Variants in HCN1 observed in about 807,000 individuals in gnomAD.
The protein encoded by HCN1 is potassium/sodium hyperpolarization-activated cyclic nucleotide-gated channel 1.
In HCN1, 13 loss-of-function variants were observed where a neutral mutation model predicts 78.9. The ratio of observed to expected loss-of-function variants is 0.16; its 90% CI spans 0.11 to 0.26. The LOEUF (loss-of-function observed/expected upper bound fraction) is 0.26. Among genes scored for constraint, HCN1 ranks in the 10% least tolerant of loss-of-function variants. HCN1 has a pLI of 1.00. For synonymous variants in HCN1, 552 were observed against 455.5 expected (o/e 1.21, Z -2.70); for missense variants, 810 against 1,154.3 (o/e 0.70, Z 4.32).
chr5:45,496,054 A>G (rs1199406226), intron 2 of HCN1, among the ~76,000 whole-genome samples: 1 of 152,084 alleles, frequency 6.6e-6, no homozygotes. Flanking sequence ...ATATTGGTCT[A>G]AAATTCTCTT....
intron 4 of HCN1, among the ~76,000 whole-genome samples, chr5:45,375,891 A>T (rs1299642346): frequency 1.6e-5 from 2 of 122,750 alleles, no homozygotes; most frequent in African/African-American, 6.5e-5. Context: ...CTTATATATT[A>T]TATATGATAT....
At chr5:45,629,301 G>C (rs988918866) in intron 2 of HCN1, among the ~76,000 whole-genome samples, 1 of 152,060 alleles carries the variant, frequency 6.6e-6, no homozygotes, top group Non-Finnish European at 1.5e-5. Flanking sequence ...AAATCAGTAA[G>C]GATATGGAAG....
In HCN1 at chr5:45,516,304, C is replaced by G. The variant is rs974675964; in HGVS notation, c.850-54297G>C. 2.0e-5 allele frequency among the ~76,000 whole-genome samples: 3 copies of G among 151,840 alleles called. No individual in the cohort carries two copies. In the East Asian group the frequency reaches 5.8e-4, roughly 29 times the overall value. ...CTTAAACTACTAGAGTACTTGTATTCTGGAGTAAAACTTTTGAAATTTGAT... is the reference window on the plus strand; with the variant it reads ...CTTAAACTACTAGAGTACTTGTATTGTGGAGTAAAACTTTTGAAATTTGAT... On this transcript the variant is annotated intron_variant, in intron 2 of 7. Coordinates refer to ENST00000303230, the MANE Select transcript of HCN1 (RefSeq NM_021072.4).
At chr5:45,327,328 T>C (rs2111945977) in intron 5 of HCN1, among the ~76,000 whole-genome samples, 1 of 151,892 alleles carries the variant, frequency 6.6e-6, no homozygotes, top group Admixed American at 6.6e-5. Flanking sequence ...GTAGAGTACA[T>C]CTGAAGACTT....
intron 4 of HCN1, among the ~76,000 whole-genome samples, chr5:45,372,072 T>TTA (rs375854629): frequency 0.11 from 5,059 of 46,990 alleles, 514 homozygotes; most frequent in African/African-American, 0.29. Flanking sequence ...ATATTATATA[T>TTA]TATATATAAT....
At chr5:45,320,570 G>C (rs1426530084) in intron 5 of HCN1, among the ~76,000 whole-genome samples, 5 of 151,774 alleles carry the variant, frequency 3.3e-5, no homozygotes, top group Admixed American at 6.6e-5. Flanking sequence ...GTAACCACAT[G>C]CTTGCAAGAG....
At chr5:45,307,576 T>A (rs889921374) in intron 5 of HCN1, among the ~76,000 whole-genome samples, 1 of 152,036 alleles carries the variant, frequency 6.6e-6, no homozygotes, top group Non-Finnish European at 1.5e-5. Flanking sequence ...ATTTTAATCA[T>A]GACAAAACCA....
At chr5:45,377,573 T>C (rs1221177061) in intron 4 of HCN1, among the ~76,000 whole-genome samples, 1 of 151,914 alleles carries the variant, frequency 6.6e-6, no homozygotes, top group East Asian at 1.9e-4. Context: ...AGTTAATGAC[T>C]TTGGTAAGGC....
intron 2 of HCN1, among the ~76,000 whole-genome samples, chr5:45,641,081 A>C (rs1193965356): frequency 1.3e-5 from 2 of 152,124 alleles, no homozygotes; most frequent in Non-Finnish European, 2.9e-5. Flanking sequence ...AGCAATAGGG[A>C]GCCTCTCTAA....
chr5:45,340,366 G>T (rs1746551304), intron 5 of HCN1, among the ~76,000 whole-genome samples: 1 of 152,142 alleles, frequency 6.6e-6, no homozygotes, highest in Non-Finnish European at 1.5e-5. Context: ...CAGTTGTGCT[G>T]TTGTCTTTCT....
chr5:45,694,435 TTTCACAGCTAA>T (rs1739967335), intron 1 of HCN1, among the ~76,000 whole-genome samples: 1 of 152,200 alleles, frequency 6.6e-6, no homozygotes. Flanking sequence ...ACTGTGGATT[TTTCACAGCTAA>T]TGTCATTCAG....
intron 2 of HCN1, among the ~76,000 whole-genome samples, chr5:45,541,198 T>C (rs533765702): frequency 1.7e-3 from 262 of 152,348 alleles, no homozygotes; most frequent in African/African-American, 5.6e-3. Flanking sequence ...TAGAAACTAA[T>C]GATGGCAGTG....
At chr5:45,445,722 C>T (rs796377817) in intron 3 of HCN1, among the ~76,000 whole-genome samples, 4 of 152,164 alleles carry the variant, frequency 2.6e-5, no homozygotes, top group African/African-American at 9.7e-5. Context: ...GCAGCATTCA[C>T]GGTTCATGAA....
At chr5:45,665,359 T>G (rs988177982) in intron 1 of HCN1, among the ~76,000 whole-genome samples, 1 of 149,712 alleles carries the variant, frequency 6.7e-6, no homozygotes, top group African/African-American at 2.5e-5. Flanking sequence ...AATGACGAGT[T>G]AATGGGTGCA....
intron 5 of HCN1, among the ~76,000 whole-genome samples, chr5:45,348,212 C>T (rs1746792934): frequency 6.6e-6 from 1 of 152,140 alleles, no homozygotes; most frequent in Non-Finnish European, 1.5e-5. Context: ...GGCCAGTATT[C>T]AAAGTTCTTA....
At position 45,261,687 on chromosome 5, in the gene HCN1, G is replaced by T; in HGVS notation, c.*234C>A. The T allele has an allele frequency of 2.8e-6, 1 of 361,082 alleles. No homozygotes were observed. The highest frequency in any genetic ancestry group is 5.2e-5 in the South Asian group (1 of 19,258). 22.4% of individuals were successfully genotyped at this position (361,082 alleles called of 1,614,324 possible). A position where few individuals can be genotyped will look rare whatever the true frequency, so the allele number is the denominator to read the frequency against. On this transcript the variant is annotated 3_prime_UTR_variant, in exon 8 of 8. Coordinates refer to ENST00000303230, the MANE Select transcript of HCN1 (RefSeq NM_021072.4). ...AAATCCTTTAATGATTTAAAGAAAGGAAGACATATAACACTGAATGCTAAA... is the reference window on the plus strand; with the variant it reads ...AAATCCTTTAATGATTTAAAGAAAGTAAGACATATAACACTGAATGCTAAA...
chr5:45,570,301 T>C (rs1743798935), intron 2 of HCN1, among the ~76,000 whole-genome samples: 1 of 152,136 alleles, frequency 6.6e-6, no homozygotes, highest in Non-Finnish European at 1.5e-5. Flanking sequence ...ACTCTGCTTA[T>C]GTTTCTTTTA....
At chr5:45,295,933 T>C (rs1745482903) in intron 6 of HCN1, among the ~76,000 whole-genome samples, 2 of 152,022 alleles carry the variant, frequency 1.3e-5, no homozygotes, top group African/African-American at 4.8e-5. Flanking sequence ...TACATGTTAT[T>C]AGATTTTAAC....
At chr5:45,597,408 A>G (rs796886055) in intron 2 of HCN1, among the ~76,000 whole-genome samples, 4 of 152,242 alleles carry the variant, frequency 2.6e-5, no homozygotes, top group African/African-American at 7.2e-5. Context: ...AGGTATTGAT[A>G]GAACATATCT....
Sources: gnomAD v4.1 joint callset for allele counts (sites outside exome capture counted in the v4.1 genomes callset) on GRCh38, gnomAD v4.1.1 for gene constraint, MANE v1.5 for transcripts, NCBI Gene and HGNC (gene_info 2026-07-23, HGNC 2026-07-21) for gene names.